The following OPCML variants were observed in gnomAD, a reference collection of about 807,000 sequenced individuals.
OPCML encodes opioid-binding protein/cell adhesion molecule.
In OPCML, 13 loss-of-function variants were observed where a neutral mutation model predicts 37.8. That is an observed-to-expected ratio of 0.34 (90% CI 0.22 to 0.55). The LOEUF is 0.55. Ranked by LOEUF, OPCML falls within the 20% of genes least tolerant of loss-of-function variation. OPCML has a pLI of 0.91. For synonymous variants in OPCML, 176 were observed against 168.8 expected (o/e 1.04, Z -0.33); for missense variants, 341 against 435.6 (o/e 0.78, Z 1.93).
intron 1 of OPCML, among the ~76,000 whole-genome samples, chr11:133,247,519 T>C (rs930953149): frequency 3.3e-5 from 5 of 150,628 alleles, no homozygotes; most frequent in Non-Finnish European, 5.9e-5. Flanking sequence ...AGTTTTCTTT[T>C]TTCTTTCTTT....
At chr11:133,207,231 C>T (rs1162680606) in intron 1 of OPCML, among the ~76,000 whole-genome samples, 4 of 151,680 alleles carry the variant, frequency 2.6e-5, no homozygotes, top group East Asian at 1.9e-4. Context: ...ACCCAGGAGG[C>T]GGAGCTTGTA....
intron 1 of OPCML, chr11:133,026,106 A>C: frequency 1.0e-6 from 1 of 984,750 alleles, no homozygotes. Context: ...TATGTGTTCA[A>C]GTTTTCTGTT....
chr11:132,841,375 C>T (rs1941278627), intron 2 of OPCML, among the ~76,000 whole-genome samples: 1 of 152,144 alleles, frequency 6.6e-6, no homozygotes. Context: ...GAGTAAACAG[C>T]AGTTGTGAAC....
chr11:132,936,567 G>C (rs550000865), intron 2 of OPCML, among the ~76,000 whole-genome samples: 1 of 152,218 alleles, frequency 6.6e-6, no homozygotes, highest in Admixed American at 6.5e-5. Flanking sequence ...GGCTCTTGCA[G>C]GTTTTGTTCA....
chr11:132,753,793 AT>A (rs1945929144), intron 2 of OPCML, among the ~76,000 whole-genome samples: 1 of 152,184 alleles, frequency 6.6e-6, no homozygotes, highest in Non-Finnish European at 1.5e-5. Flanking sequence ...GCCCATCAAG[AT>A]TATTTCCACT....
chr11:133,140,528 T>TAAGAAGAAGAAGAAGAAG (rs1489312604), intron 1 of OPCML, among the ~76,000 whole-genome samples: 655 of 61,108 alleles, frequency 0.011, 1 homozygote, highest in Middle Eastern at 0.025. Flanking sequence ...ATAATAATAA[T>TAAGAAGAAGAAGAAGAAG]AATAAGAAGA....
chr11:132,990,067 G>T (rs369637070), intron 1 of OPCML, among the ~76,000 whole-genome samples: 4 of 152,150 alleles, frequency 2.6e-5, no homozygotes, highest in South Asian at 2.1e-4. Flanking sequence ...CCCTGCGTAG[G>T]AACATAGGAG....
intron 3 of OPCML, among the ~76,000 whole-genome samples, chr11:132,581,328 C>T (rs894735249): frequency 1.3e-5 from 2 of 152,172 alleles, no homozygotes; most frequent in African/African-American, 4.8e-5. Flanking sequence ...CATCCTGTCC[C>T]CTGTGTCTAC....
At chr11:132,944,036 C>A (rs1055903842) in intron 1 of OPCML, among the ~76,000 whole-genome samples, 4 of 151,828 alleles carry the variant, frequency 2.6e-5, no homozygotes, top group East Asian at 3.9e-4. Flanking sequence ...CTCATCCCGA[C>A]GGGCGGGCGC....
chr11:133,027,508 AG>A (rs1444009909), intron 1 of OPCML, among the ~76,000 whole-genome samples: 1 of 143,892 alleles, frequency 6.9e-6, no homozygotes, highest in Admixed American at 6.9e-5. Context: ...GTGTGTGTGT[AG>A]TGCGGTGTGT....
In OPCML at chr11:132,424,691, C is replaced by A. The variant is rs550320426; in HGVS notation, c.917-4398G>T. Among the ~76,000 whole-genome samples, 40 of 152,252 alleles carry A rather than the reference C, an allele frequency of 2.6e-4. 1 individual carries two copies. The highest frequency in any genetic ancestry group is 9.6e-4 in the African/African-American group (40 of 41,548). On this transcript the variant is annotated intron_variant, in intron 7 of 7. Transcript: ENST00000524381. ...TCTGTGATCTTAGGCAAGATACTTC[C>A]TGTTTTCTCACTGAAAACAGGCATG...
chr11:132,712,952 T>C (rs1944327109), intron 2 of OPCML, among the ~76,000 whole-genome samples: 1 of 152,206 alleles, frequency 6.6e-6, no homozygotes, highest in Non-Finnish European at 1.5e-5. Flanking sequence ...CAGGCCTCTG[T>C]AGCAGTGGGC....
chr11:133,276,741 C>A (rs1291940719), intron 1 of OPCML, among the ~76,000 whole-genome samples: 1 of 152,076 alleles, frequency 6.6e-6, no homozygotes, highest in Non-Finnish European at 1.5e-5. Flanking sequence ...TGCACTTCTC[C>A]CATGATGCCA....
chr11:132,951,452 C>A (rs1417634833), intron 1 of OPCML, among the ~76,000 whole-genome samples: 2 of 152,186 alleles, frequency 1.3e-5, no homozygotes, highest in African/African-American at 4.8e-5. Flanking sequence ...GGGCCCCATC[C>A]TTCTGACCCC....
intron 1 of OPCML, among the ~76,000 whole-genome samples, chr11:132,968,006 G>A (rs1012608245): frequency 6.6e-6 from 1 of 152,124 alleles, no homozygotes. Context: ...ATACATTATT[G>A]TCACCTACAG....
chr11:132,829,340 G>GA (rs1260984695), intron 2 of OPCML, among the ~76,000 whole-genome samples: 3 of 152,168 alleles, frequency 2.0e-5, no homozygotes, highest in Non-Finnish European at 4.4e-5. Flanking sequence ...AATCCATATT[G>GA]AAACCCTCTG....
At chr11:133,175,750 C>G (rs1407462829) in intron 1 of OPCML, among the ~76,000 whole-genome samples, 1 of 151,368 alleles carries the variant, frequency 6.6e-6, no homozygotes, top group African/African-American at 2.4e-5. Flanking sequence ...ATGCACGATG[C>G]AGATGGATAC....
intron 1 of OPCML, among the ~76,000 whole-genome samples, chr11:133,238,614 G>T (rs1042346118): frequency 1.8e-4 from 27 of 152,264 alleles, no homozygotes; most frequent in African/African-American, 5.8e-4. Flanking sequence ...ACCTGCAAGT[G>T]CAGGCTTCTT....
chr11:133,213,364 C>T (rs1939449782), intron 1 of OPCML, among the ~76,000 whole-genome samples: 1 of 151,496 alleles, frequency 6.6e-6, no homozygotes, highest in Non-Finnish European at 1.5e-5. Context: ...CTTTTTCATA[C>T]ATAACCTCAT....
Sources: allele counts gnomAD v4.1 joint callset (sites outside exome capture counted in the v4.1 genomes callset), GRCh38; gene constraint gnomAD v4.1.1; transcripts MANE v1.5; gene names NCBI Gene and HGNC (gene_info 2026-07-23, HGNC 2026-07-21).